Variants in MAGI1 observed in about 807,000 individuals in gnomAD.
The protein encoded by MAGI1 is membrane associated guanylate kinase, WW and PDZ domain containing 1.
MAGI1 carries 58 observed loss-of-function variants against 139.9 expected under a neutral mutation model. The observed-to-expected ratio is 0.41, with a 90% CI of 0.34 to 0.52. The LOEUF (loss-of-function observed/expected upper bound fraction) is 0.52, where lower values mean the gene tolerates loss of function less well. Among genes scored for constraint, MAGI1 ranks in the 20% least tolerant of loss-of-function variants. MAGI1 has a pLI of 0.12. For synonymous variants in MAGI1, 812 were observed against 737.9 expected (o/e 1.10, Z -1.63); for missense variants, 1,874 against 1,901.6 (o/e 0.99, Z 0.27).
chr3:65,594,941 T>C (rs1194233550), intron 2 of MAGI1, among the ~76,000 whole-genome samples: 1 of 152,216 alleles, frequency 6.6e-6, no homozygotes. Context: ...AATGCATGGG[T>C]CTGTGTATTT....
intron 1 of MAGI1, among the ~76,000 whole-genome samples, chr3:65,927,907 C>T (rs749001575): frequency 6.6e-6 from 1 of 152,154 alleles, no homozygotes; most frequent in East Asian, 1.9e-4. Context: ...CACAGCATGT[C>T]CTTTTCAGAA....
chr3:65,986,683 G>A (rs11926829), intron 1 of MAGI1, among the ~76,000 whole-genome samples: 7 of 151,950 alleles, frequency 4.6e-5, no homozygotes, highest in South Asian at 4.1e-4. Context: ...TTGAAATGTC[G>A]TCTGGCACCT....
chr3:66,004,366 C>T (rs530376929), intron 1 of MAGI1, among the ~76,000 whole-genome samples: 6 of 152,308 alleles, frequency 3.9e-5, no homozygotes, highest in African/African-American at 1.4e-4. Context: ...GAGGTTGACA[C>T]TGGCTGTCGG....
chr3:65,862,841 T>C (rs139412568), intron 1 of MAGI1, among the ~76,000 whole-genome samples: 1 of 152,350 alleles, frequency 6.6e-6, no homozygotes, highest in East Asian at 1.9e-4. Flanking sequence ...GAAGAAAGTA[T>C]AGATTTCTCA....
intron 1 of MAGI1, among the ~76,000 whole-genome samples, chr3:65,764,092 A>G (rs1258702761): frequency 6.6e-6 from 1 of 151,486 alleles, no homozygotes; most frequent in Non-Finnish European, 1.5e-5. Flanking sequence ...AAGAAAAAAA[A>G]AAAAAAAACC....
At chr3:65,650,024 G>T (rs2085493168) in intron 1 of MAGI1, among the ~76,000 whole-genome samples, 1 of 152,138 alleles carries the variant, frequency 6.6e-6, no homozygotes, top group Non-Finnish European at 1.5e-5. Context: ...TCATGTTTTG[G>T]AAACTTAATC....
intron 1 of MAGI1, among the ~76,000 whole-genome samples, chr3:65,718,210 T>C (rs902224834): frequency 6.6e-6 from 1 of 152,134 alleles, no homozygotes; most frequent in African/African-American, 2.4e-5. Context: ...ACTTTTTTTT[T>C]TAGAGAAAGC....
intron 1 of MAGI1, among the ~76,000 whole-genome samples, chr3:65,817,010 T>A (rs1024847984): frequency 2.0e-5 from 3 of 152,354 alleles, no homozygotes; most frequent in Non-Finnish European, 4.4e-5. Context: ...TAGTCAATCA[T>A]ACATGCAGAA....
At chr3:65,512,502 C>G (rs1457335921) in intron 2 of MAGI1, among the ~76,000 whole-genome samples, 2 of 150,504 alleles carry the variant, frequency 1.3e-5, no homozygotes, top group African/African-American at 4.9e-5. Flanking sequence ...GAAATACAAA[C>G]TACCATCAGA....
At chr3:65,872,758 A>G (rs899253579) in intron 1 of MAGI1, 1 of 152,248 alleles carries the variant, frequency 6.6e-6, no homozygotes, top group Non-Finnish European at 1.5e-5. Flanking sequence ...GACACACACA[A>G]CACAAGGGTC....
At chr3:65,493,666 C>G (rs375621938) in intron 2 of MAGI1, 35 bp from the exon 3 acceptor site, 177 of 1,612,186 alleles carry the variant, frequency 1.1e-4, no homozygotes, top group Non-Finnish European at 1.5e-4. Flanking sequence ...AACAAACCAT[C>G]AATCAACTAA....
intron 1 of MAGI1, among the ~76,000 whole-genome samples, chr3:65,697,114 G>A (rs2089267240): frequency 6.6e-6 from 1 of 152,084 alleles, no homozygotes; most frequent in Non-Finnish European, 1.5e-5. Flanking sequence ...AAATAAACTA[G>A]AAAATCTAGA....
At chr3:65,402,566 C>A (rs550895003) in intron 12 of MAGI1, among the ~76,000 whole-genome samples, 14 of 152,156 alleles carry the variant, frequency 9.2e-5, no homozygotes, top group Admixed American at 2.0e-4. Context: ...ATAAAGCACA[C>A]AAGAGATGCT....
chr3:65,702,199 T>C (rs942205812), intron 1 of MAGI1, among the ~76,000 whole-genome samples: 5 of 152,170 alleles, frequency 3.3e-5, no homozygotes, highest in African/African-American at 9.7e-5. Flanking sequence ...GGAATTTATA[T>C]ACATATATTT....
intron 1 of MAGI1, among the ~76,000 whole-genome samples, chr3:65,892,392 A>G (rs1241136682): frequency 6.6e-6 from 1 of 152,340 alleles, no homozygotes; most frequent in East Asian, 1.9e-4. Flanking sequence ...TGGACATAAA[A>G]TAATAGCAGA....
intron 1 of MAGI1, among the ~76,000 whole-genome samples, chr3:65,631,546 A>C (rs2084303668): frequency 6.6e-6 from 1 of 152,090 alleles, no homozygotes; most frequent in Non-Finnish European, 1.5e-5. Context: ...TGTACTTCTG[A>C]TTATCTTCTT....
chr3:65,610,742 G>GTATATACTATATACTATA (rs11276480), intron 2 of MAGI1, among the ~76,000 whole-genome samples: 1 of 121,318 alleles, frequency 8.2e-6, no homozygotes, highest in African/African-American at 3.1e-5. Context: ...ATAGTATATA[G>GTATATACTATATACTATA]TATATATACA....
chr3:65,581,536 C>G (rs2081424647), intron 2 of MAGI1, among the ~76,000 whole-genome samples: 1 of 152,170 alleles, frequency 6.6e-6, no homozygotes, highest in Non-Finnish European at 1.5e-5. Context: ...TCCCTGCCCC[C>G]TTGCTGCTAT....
At chr3:65,706,980 T>A (rs1011897471) in intron 1 of MAGI1, among the ~76,000 whole-genome samples, 1 of 152,186 alleles carries the variant, frequency 6.6e-6, no homozygotes, top group South Asian at 2.1e-4. Context: ...AAACCACCTG[T>A]GGATTTCATT....
Sources: allele counts gnomAD v4.1 joint callset (sites outside exome capture counted in the v4.1 genomes callset), GRCh38; gene constraint gnomAD v4.1.1; transcripts MANE v1.5; gene names NCBI Gene and HGNC (gene_info 2026-07-23, HGNC 2026-07-21).